Variants in FRK observed in about 807,000 individuals in gnomAD.
FRK encodes the protein fyn related Src family tyrosine kinase.
Under a neutral mutation model 56.4 loss-of-function variants are expected in FRK, and 51 were observed. That is an observed-to-expected ratio of 0.90 (90% CI 0.72 to 1.14). The LOEUF (loss-of-function observed/expected upper bound fraction) is 1.14, where lower values mean the gene tolerates loss of function less well. Ranked by LOEUF, FRK falls within the 50% of genes most tolerant of loss-of-function variation. The pLI is 0.00. For missense variants in FRK, 570 were observed against 601.4 expected, an observed-to-expected ratio of 0.95 and a Z score of 0.55; for synonymous variants, 245 against 217.9, an observed-to-expected ratio of 1.12 and a Z score of -1.10.
In FRK at chr6:116,019,596, G is replaced by T. The variant is rs140708139; in HGVS notation, c.345-15598C>A. On this transcript the variant is annotated intron_variant, in intron 1 of 7. Transcript: ENST00000606080. ...ACTTATTCTCAAGGCAACTCTTGGG[G>T]ATAGTCAGAGCAAGTGCTTCAAAAT... Among the ~76,000 whole-genome samples the T allele has an allele frequency of 4.9e-4, 74 of 152,324 alleles. No individual in the cohort carries two copies. In the East Asian group the frequency reaches 0.012, roughly 25 times the overall value.
chr6:116,052,775 C>T (rs550374430), intron 1 of FRK, among the ~76,000 whole-genome samples: 1 of 152,070 alleles, frequency 6.6e-6, no homozygotes, highest in South Asian at 2.1e-4. Context: ...TGCAGACGGT[C>T]GAAGACTGAA....
chr6:115,997,885 A>G (rs1452647082), intron 2 of FRK, among the ~76,000 whole-genome samples: 5 of 152,182 alleles, frequency 3.3e-5, no homozygotes, highest in African/African-American at 4.8e-5. Context: ...CCCACAGGCC[A>G]AGTGATTTCC....
At chr6:115,944,489 C>A (rs1355534498) in intron 5 of FRK, 64 bp from the exon 6 acceptor site, 3 of 1,354,642 alleles carry the variant, frequency 2.2e-6, no homozygotes, top group Non-Finnish European at 3.0e-6. Context: ...AAAGTGAATT[C>A]TGAGAATTTT....
intron 1 of FRK, among the ~76,000 whole-genome samples, chr6:116,036,478 T>A (rs1025846841): frequency 6.6e-6 from 1 of 152,118 alleles, no homozygotes; most frequent in Admixed American, 6.5e-5. Flanking sequence ...GTTTGAAAAA[T>A]AATTTGGGAT....
At chr6:116,076,851 C>T in the FRK span, among the ~76,000 whole-genome samples, 21 of 152,182 alleles carry the variant, frequency 1.4e-4, no homozygotes, top group Admixed American at 9.8e-4. Flanking sequence ...TTTCACTTTG[C>T]TATCAGTTTG....
the FRK span, among the ~76,000 whole-genome samples, chr6:116,066,046 T>C: frequency 6.6e-6 from 1 of 152,160 alleles, no homozygotes; most frequent in Non-Finnish European, 1.5e-5. Flanking sequence ...AATTGTGATG[T>C]TTAATATTGA....
At chr6:116,014,789 G>A (rs1775588778) in intron 1 of FRK, among the ~76,000 whole-genome samples, 3 of 152,192 alleles carry the variant, frequency 2.0e-5, no homozygotes, top group Admixed American at 2.0e-4. Flanking sequence ...AAACAAATAT[G>A]AGATGGAGAT....
intron 1 of FRK, among the ~76,000 whole-genome samples, chr6:116,052,005 T>G (rs1054874630): frequency 3.9e-5 from 6 of 152,142 alleles, no homozygotes; most frequent in African/African-American, 1.4e-4. Flanking sequence ...GGATCTAGAT[T>G]TGCTCTCCAT....
chr6:115,937,923 C>G lies in FRK; in HGVS notation c.*4491G>C, dbSNP rs887224910. On this transcript the variant is annotated 3_prime_UTR_variant, in exon 8 of 8. Transcript: ENST00000606080. The stretch of plus-strand genomic sequence containing the variant: ...GTCAATATTAGACAGATAAATGAGA[C>G]AGAAAATTAACAAAGATATTCAGAA... 9 of 152,160 alleles carry G rather than the reference C, an allele frequency of 5.9e-5. No individual in the cohort carries two copies. The highest frequency in any genetic ancestry group is 2.2e-4 in the African/African-American group (9 of 41,416). 9.4% of individuals were successfully genotyped at this position (152,160 alleles called of 1,614,324 possible). A position where few individuals can be genotyped will look rare whatever the true frequency, so the allele number is the denominator to read the frequency against.
At chr6:115,947,514 C>CTGGGCAATGCAATG (rs1441922060) in intron 5 of FRK, among the ~76,000 whole-genome samples, 1 of 151,994 alleles carries the variant, frequency 6.6e-6, no homozygotes, top group East Asian at 1.9e-4. Context: ...GTCACTAGTT[C>CTGGGCAATGCAATG]TGGGCAATGC....
chr6:115,958,768 A>AAAGAAAGAAAGAG (rs1292819468), intron 4 of FRK, among the ~76,000 whole-genome samples: 1 of 80,700 alleles, frequency 1.2e-5, no homozygotes. Flanking sequence ...AGAAAGAAAG[A>AAAGAAAGAAAGAG]GGGGGGGGAA....
In FRK at chr6:115,933,104, T is replaced by G. The variant is rs1413608966; in HGVS notation, c.*9310A>C. The G allele has an allele frequency of 1.3e-5, 2 of 152,108 alleles. No homozygotes were observed. The highest frequency in any genetic ancestry group is 1.3e-4 in the Admixed American group (2 of 15,278). 9.4% of individuals were successfully genotyped at this position (152,108 alleles called of 1,614,324 possible). On this transcript the variant is annotated 3_prime_UTR_variant, in exon 8 of 8. Transcript: ENST00000606080. Reference sequence around the variant, plus strand: ...ACTTAAATCTATTCCCTTATTTCCTTCCTTACCCTCTTTTTAAAAAAAAAG... The same window carrying G: ...ACTTAAATCTATTCCCTTATTTCCTGCCTTACCCTCTTTTTAAAAAAAAAG...
chr6:115,951,766 A>G (rs1442304776), intron 5 of FRK, among the ~76,000 whole-genome samples: 4 of 152,206 alleles, frequency 2.6e-5, no homozygotes, highest in Admixed American at 6.5e-5. Context: ...AGTGACACAC[A>G]TTTCCTACTT....
At chr6:115,950,805 G>A (rs1772713234) in intron 5 of FRK, among the ~76,000 whole-genome samples, 1 of 152,224 alleles carries the variant, frequency 6.6e-6, no homozygotes, top group Non-Finnish European at 1.5e-5. Context: ...TAAAGAAAAT[G>A]TGGCACATAT....
chr6:116,026,511 G>C (rs1582729143), intron 1 of FRK, among the ~76,000 whole-genome samples: 3 of 133,016 alleles, frequency 2.3e-5, no homozygotes, highest in Middle Eastern at 6.9e-3. Flanking sequence ...AAGGAAGGAA[G>C]GAGGGAGGGA....
At chr6:115,957,024 G>A (rs751037409) in intron 4 of FRK, among the ~76,000 whole-genome samples, 3 of 152,164 alleles carry the variant, frequency 2.0e-5, no homozygotes, top group Admixed American at 1.3e-4. Context: ...GGTGCCCACT[G>A]TGGGAACAGC....
intron 1 of FRK, among the ~76,000 whole-genome samples, chr6:116,015,785 G>A (rs1027568170): frequency 6.6e-6 from 1 of 152,220 alleles, no homozygotes; most frequent in Non-Finnish European, 1.5e-5. Context: ...CTAGTGATCT[G>A]TGGAATTGTG....
At chr6:115,954,698 CACAA>C (rs1278567537) in intron 5 of FRK, among the ~76,000 whole-genome samples, 1 of 152,112 alleles carries the variant, frequency 6.6e-6, no homozygotes, top group Non-Finnish European at 1.5e-5. Context: ...TAGGGCTGTT[CACAA>C]ACAATGATTT....
intron 5 of FRK, among the ~76,000 whole-genome samples, chr6:115,951,682 A>T (rs1205339702): frequency 6.6e-6 from 1 of 152,202 alleles, no homozygotes; most frequent in Non-Finnish European, 1.5e-5. Context: ...TTCAACTATC[A>T]CATATGACAT....
Sources: allele counts gnomAD v4.1 joint callset (sites outside exome capture counted in the v4.1 genomes callset), GRCh38; gene constraint gnomAD v4.1.1; transcripts MANE v1.5; gene names NCBI Gene and HGNC (gene_info 2026-07-23, HGNC 2026-07-21).